RIMS1: variants seen among roughly 807,000 people sequenced by gnomAD.
RIMS1 encodes regulating synaptic membrane exocytosis protein 1.
Under a neutral mutation model 214.1 loss-of-function variants are expected in RIMS1, and 83 were observed. The ratio of observed to expected loss-of-function variants is 0.39; its 90% confidence interval spans 0.32 to 0.47. RIMS1 has a LOEUF of 0.47. RIMS1 is among the 20% of genes least tolerant of loss of function. The pLI, the probability that RIMS1 is intolerant of heterozygous loss-of-function variation, is 0.99. For synonymous variants in RIMS1, 793 were observed against 786.8 expected, an observed-to-expected ratio of 1.01 and a Z score of -0.13; for missense variants, 2,050 against 2,161.8, an observed-to-expected ratio of 0.95 and a Z score of 1.03.
At position 72,197,836 on chromosome 6, in the gene RIMS1, G is replaced by T. The variant is rs577559523; in HGVS notation, c.1678+14687G>T. Among the ~76,000 whole-genome samples the T allele has an allele frequency of 3.9e-5, 6 of 152,170 alleles. No homozygotes were observed. In the South Asian group the frequency reaches 1.2e-3, roughly 32 times the overall value. On this transcript the variant is annotated intron_variant, in intron 6 of 33. Transcript: ENST00000521978. Reference sequence around the variant, plus strand: ...TACAGCCATGGGGATGCCCAAAGATGAGTACAAAGATTATAATTGTGAAAC... The same window carrying T: ...TACAGCCATGGGGATGCCCAAAGATTAGTACAAAGATTATAATTGTGAAAC...
intron 4 of RIMS1, among the ~76,000 whole-genome samples, chr6:72,151,903 T>C (rs2043648629): frequency 6.6e-6 from 1 of 152,090 alleles, no homozygotes; most frequent in South Asian, 2.1e-4. Context: ...CCTCAGGAAG[T>C]TGCAAACATG....
intron 4 of RIMS1, among the ~76,000 whole-genome samples, chr6:72,174,945 A>G (rs1364871259): frequency 6.6e-6 from 1 of 152,164 alleles, no homozygotes; most frequent in Non-Finnish European, 1.5e-5. Flanking sequence ...TAAGAGAAAC[A>G]TACCCACATA....
chr6:71,984,471 C>T (rs1799329008), intron 2 of RIMS1, among the ~76,000 whole-genome samples: 1 of 151,214 alleles, frequency 6.6e-6, no homozygotes, highest in African/African-American at 2.4e-5. Context: ...CACAGTGTTA[C>T]TAAAATTTTT....
At position 72,334,932 on chromosome 6, in the gene RIMS1, G is replaced by A. The variant is rs750446595; in HGVS notation, c.4366+1097G>A. Among the ~76,000 whole-genome samples, 34 of 151,916 alleles carry A rather than the reference G, an allele frequency of 2.2e-4. 1 individual carries two copies. Among genetic ancestry groups the A allele is most frequent in the African/African-American group, 2.4e-5 (1 of 41,430 alleles). On this transcript the variant is annotated intron_variant, in intron 29 of 33. Coordinates refer to ENST00000521978, the MANE Select transcript of RIMS1 (RefSeq NM_014989.7). ...TCAGATGAGCTGTTCTATTTGTTAT[G>A]AAGGAGAATTATTTGTCTTCTTTAG...
At chr6:71,976,917 A>C (rs1305540553) in intron 2 of RIMS1, among the ~76,000 whole-genome samples, 1 of 152,166 alleles carries the variant, frequency 6.6e-6, no homozygotes, top group Non-Finnish European at 1.5e-5. Context: ...AGATTAAACA[A>C]AAGTGTGAAT....
intron 29 of RIMS1, among the ~76,000 whole-genome samples, chr6:72,342,466 A>T (rs2097125907): frequency 6.6e-6 from 1 of 151,806 alleles, no homozygotes; most frequent in South Asian, 2.1e-4. Context: ...GGCAAGATGG[A>T]TAAATGGAGG....
intron 2 of RIMS1, among the ~76,000 whole-genome samples, chr6:72,008,444 T>C (rs1808753725): frequency 6.6e-6 from 1 of 152,150 alleles, no homozygotes; most frequent in African/African-American, 2.4e-5. Flanking sequence ...GCTAACATCA[T>C]AATGACAGGA....
At chr6:72,082,974 G>T (rs1461183460) in intron 2 of RIMS1, among the ~76,000 whole-genome samples, 2 of 152,062 alleles carry the variant, frequency 1.3e-5, no homozygotes, top group Non-Finnish European at 2.9e-5. Flanking sequence ...GAATTATTCT[G>T]ATCAAATATT....
intron 6 of RIMS1, among the ~76,000 whole-genome samples, chr6:72,224,261 A>G (rs1048614572): frequency 1.2e-4 from 19 of 152,228 alleles, no homozygotes; most frequent in Admixed American, 1.2e-3. Context: ...TTTAGAAAAT[A>G]TAAATTGATT....
At chr6:72,193,551 A>G (rs1428370517) in intron 6 of RIMS1, among the ~76,000 whole-genome samples, 1 of 152,210 alleles carries the variant, frequency 6.6e-6, no homozygotes, top group Admixed American at 6.5e-5. Flanking sequence ...ATAGCTATTA[A>G]TAACTTTATT....
intron 24 of RIMS1, among the ~76,000 whole-genome samples, chr6:72,286,589 A>G (rs1242374107): frequency 6.6e-6 from 1 of 152,224 alleles, no homozygotes; most frequent in African/African-American, 2.4e-5. Flanking sequence ...AGTGTAAACT[A>G]CATGCCTAGT....
chr6:72,333,575 A>G (rs2096742728), intron 28 of RIMS1, 25 bp from the exon 29 acceptor site: 3 of 1,501,614 alleles, frequency 2.0e-6, no homozygotes, highest in African/African-American at 1.4e-5. Context: ...ATGGATGCAT[A>G]TATGTTTTTA....
chr6:72,287,002 A>C (rs140825030), intron 24 of RIMS1, among the ~76,000 whole-genome samples: 1 of 152,208 alleles, frequency 6.6e-6, no homozygotes, highest in Non-Finnish European at 1.5e-5. Flanking sequence ...AAAGAAATGT[A>C]TCATATTTTC....
chr6:72,210,566 T>C (rs1314833933), intron 6 of RIMS1, among the ~76,000 whole-genome samples: 1 of 152,202 alleles, frequency 6.6e-6, no homozygotes, highest in Non-Finnish European at 1.5e-5. Context: ...TATGTTCTAC[T>C]TAGTGCGGAT....
chr6:72,052,206 AG>A (rs895265363), intron 2 of RIMS1, among the ~76,000 whole-genome samples: 1 of 152,166 alleles, frequency 6.6e-6, no homozygotes, highest in African/African-American at 2.4e-5. Context: ...ACAATATTAG[AG>A]GGATTTGAAG....
chr6:72,024,618 A>G (rs992003174), intron 2 of RIMS1, among the ~76,000 whole-genome samples: 1 of 152,158 alleles, frequency 6.6e-6, no homozygotes, highest in Non-Finnish European at 1.5e-5. Context: ...GCAGATGATC[A>G]CTAGGCTACA....
chr6:72,375,829 G>A (rs2098359507), intron 29 of RIMS1, among the ~76,000 whole-genome samples: 3 of 152,098 alleles, frequency 2.0e-5, no homozygotes, highest in Admixed American at 2.0e-4. Context: ...GGAGCTTACT[G>A]GTGAAAATGT....
intron 2 of RIMS1, among the ~76,000 whole-genome samples, chr6:72,092,315 T>TCCTTCCTTCCTTCCTTCCTTCCTTCCTC (rs1210383396): frequency 2.1e-5 from 3 of 142,066 alleles, no homozygotes; most frequent in African/African-American, 7.7e-5. Flanking sequence ...CTTCCTTCCT[T>TCCTTCCTTCCTTCCTTCCTTCCTTCCTC]CCTTCCATAA....
chr6:72,252,619 A>T, intron 15 of RIMS1, 142 bp from the exon 16 acceptor site: 1 of 658,002 alleles, frequency 1.5e-6, no homozygotes, highest in Non-Finnish European at 2.8e-6. Context: ...TTCTTTTAAA[A>T]TTAGCTCAGT....
Sources: allele counts gnomAD v4.1 joint callset (sites outside exome capture counted in the v4.1 genomes callset), GRCh38; gene constraint gnomAD v4.1.1; transcripts MANE v1.5; gene names NCBI Gene and HGNC (gene_info 2026-07-23, HGNC 2026-07-21).